Variants in SGCA observed in about 807,000 individuals in gnomAD.
SGCA encodes alpha-sarcoglycan.
Under a neutral mutation model 38.1 loss-of-function variants are expected in SGCA, and 34 were observed. The observed-to-expected ratio is 0.89, with a 90% CI of 0.68 to 1.19. SGCA has a LOEUF of 1.19. Among genes scored for constraint, SGCA ranks in the 50% most tolerant of loss-of-function variants. The pLI, the probability that SGCA is intolerant of heterozygous loss-of-function variation, is 0.00. For synonymous variants in SGCA, 209 were observed against 214.6 expected, an observed-to-expected ratio of 0.97 and a Z score of 0.23; for missense variants, 476 against 524.9, an observed-to-expected ratio of 0.91 and a Z score of 0.91.
intron 8 of SGCA, 117 bp downstream of exon 8, chr17:50,170,783 A>C: frequency 2.3e-6 from 2 of 872,632 alleles, no homozygotes; most frequent in Non-Finnish European, 3.8e-6. Context: ...GGTGATGCTC[A>C]CCCCTTCCCT....
At chr17:50,175,520 T>A in intron 9 of SGCA, 71 bp downstream of exon 9, 2 of 1,381,894 alleles carry the variant, frequency 1.4e-6, no homozygotes, top group Non-Finnish European at 2.0e-6. Context: ...CTGGGGCAAA[T>A]GGTGGGGTCT....
chr17:50,166,093 G>A lies in SGCA; in HGVS notation c.37+16G>A, dbSNP rs777931940. The A allele has an allele frequency of 6.2e-7, 1 of 1,608,664 alleles. No homozygotes were observed. Among genetic ancestry groups the A allele is most frequent in the South Asian group, 1.1e-5 (1 of 90,960 alleles). On this transcript the variant is annotated intron_variant, in intron 1 of 9. Transcript: ENST00000262018. ...CTCCTCGTGGGCAAGTTGGGGCCTT[G>A]TTCAGCGGGGAGGCCCAGGATGAGG...
At chr17:50,172,017 T>A in intron 8 of SGCA, 1 of 456,378 alleles carries the variant, frequency 2.2e-6, no homozygotes, top group African/African-American at 2.0e-5. Flanking sequence ...GCGAAGTGCC[T>A]TTCTGCTTCT....
chr17:50,169,895 T>C (rs1404937984), intron 6 of SGCA: 1 of 593,522 alleles, frequency 1.7e-6, no homozygotes, highest in African/African-American at 1.8e-5. Context: ...AGGAGACAGG[T>C]GCTACTATTA....
At chr17:50,166,676 A>C (rs1398041207) in intron 1 of SGCA, among the ~76,000 whole-genome samples, 160 of 137,532 alleles carry the variant, frequency 1.2e-3, no homozygotes, top group African/African-American at 4.1e-3. Context: ...ACACACACAC[A>C]CCCACACACA....
In SGCA at chr17:50,169,205, A is replaced by T. The variant is rs1223180798; in HGVS notation, c.698A>T (p.Tyr233Phe). 6.2e-7 allele frequency: 1 copy of T among 1,613,858 alleles called. No individual in the cohort carries two copies. The highest frequency in any genetic ancestry group is 1.7e-5 in the Admixed American group (1 of 60,002). ...GGCCAGCCTCCACTTCTGTCTTGCT[A>T]CGACACCTTGGCACCCCACTTCCGC... ...AQGQPPLLSC[Y>F]DTLAPHFRVD... Residue 233 changes from tyrosine (Y) to phenylalanine (F), a missense_variant, in exon 6 of 10, where the codon TAC (tyrosine) becomes TTC (phenylalanine). Coordinates refer to ENST00000262018, the MANE Select transcript of SGCA (RefSeq NM_000023.4).
intron 8 of SGCA, chr17:50,172,079 G>A (rs762761081): frequency 2.9e-5 from 13 of 453,980 alleles, no homozygotes; most frequent in South Asian, 2.0e-4. Context: ...AGGGCGGCTG[G>A]AAGTCTCCAC....
Position 50,175,301 on chromosome 17 carries a change from A to G in SGCA, c.1028A>G (p.Glu343Gly). The change falls in exon 9 of 10, where the codon GAG becomes GGG. Residue 343 changes from glutamate to glycine, a missense_variant. By Grantham distance (98) the Glu-to-Gly change is moderately conservative. Coordinates refer to ENST00000262018, the MANE Select transcript of SGCA (RefSeq NM_000023.4). ...HHCTIHGNTEELRQMAASREV... is the reference protein window; with the variant it reads ...HHCTIHGNTEGLRQMAASREV... ...TGCACCATCCACGGGAACACAGAGG[A>G]GCTGCGGCAGATGGCGGCCAGCCGC... 4 of 1,608,746 alleles carry G rather than the reference A, an allele frequency of 2.5e-6. No homozygotes were observed. The highest frequency in any genetic ancestry group is 3.4e-6 in the Non-Finnish European group (4 of 1,178,288).
At chr17:50,169,315 T>A (rs1335796375) in intron 6 of SGCA, 61 bp downstream of exon 6, 12 of 1,427,526 alleles carry the variant, frequency 8.4e-6, no homozygotes, top group Non-Finnish European at 1.2e-5. Context: ...CAGTCCCCCT[T>A]CCCTCCCATG....
intron 4 of SGCA, 129 bp downstream of exon 4, chr17:50,168,148 A>G: frequency 1.1e-6 from 1 of 936,604 alleles, no homozygotes. Flanking sequence ...GAAAGTGGGG[A>G]CAAGGCTCTC....
chr17:50,173,310 G>A (rs760071420), intron 8 of SGCA, among the ~76,000 whole-genome samples: 4 of 152,150 alleles, frequency 2.6e-5, no homozygotes, highest in Non-Finnish European at 4.4e-5. Flanking sequence ...CAGGCCCCAC[G>A]ACCCTCTCCT....
At chr17:50,174,567 G>C (rs563410677) in intron 8 of SGCA, among the ~76,000 whole-genome samples, 2 of 152,006 alleles carry the variant, frequency 1.3e-5, no homozygotes, top group Admixed American at 6.5e-5. Context: ...GGCTGGCCTT[G>C]AACTCTTGGC....
chr17:50,173,448 T>C (rs1567745192), intron 8 of SGCA, among the ~76,000 whole-genome samples: 1 of 151,470 alleles, frequency 6.6e-6, no homozygotes, highest in African/African-American at 2.4e-5. Flanking sequence ...TGCCTGCCGT[T>C]TGTCTGTCTG....
At chr17:50,168,836 A>G (rs375006608) in intron 5 of SGCA, among the ~76,000 whole-genome samples, 17 of 152,064 alleles carry the variant, frequency 1.1e-4, no homozygotes, top group African/African-American at 3.6e-4. Context: ...ATTCCTTAGT[A>G]GGGAGGGTAA....
chr17:50,169,943 A>G, intron 6 of SGCA, 200 bp from the exon 7 acceptor site: 3 of 636,276 alleles, frequency 4.7e-6, no homozygotes, highest in Non-Finnish European at 8.6e-6. Flanking sequence ...AGAGGCACAT[A>G]ATCATCCTAG....
rs753896716 is a variant in SGCA at position 50,167,412 on chromosome 17, C to T, written c.82C>T (p.Leu28=). 7 of 1,614,190 alleles carry T rather than the reference C, an allele frequency of 4.3e-6. No homozygotes were observed. The South Asian group carries it at 4.4e-5, about 10-fold the overall frequency. The change falls in exon 2 of 10, where the codon CTA becomes TTA. Residue 28 remains leucine (L), a synonymous_variant. Coordinates refer to ENST00000262018, the MANE Select transcript of SGCA (RefSeq NM_000023.4). This position sits in a 1 kb window ranked among gnomAD's most constrained non-coding sequence, Gnocchi z 4.5. ...GGACACCGAGGCCCAGCAGACCACG[C>T]TACACCCACTTGTGGGCCGTGTCTT... ...LGDTEAQQTT[L]HPLVGRVFVH...
chr17:50,166,479 C>A (rs1438829225), intron 1 of SGCA, among the ~76,000 whole-genome samples: 1 of 152,036 alleles, frequency 6.6e-6, no homozygotes, highest in African/African-American at 2.4e-5. Context: ...TGCTCAGCTC[C>A]TACTGGCCTC....
chr17:50,173,127 C>T (rs962465691), intron 8 of SGCA, among the ~76,000 whole-genome samples: 1 of 152,230 alleles, frequency 6.6e-6, no homozygotes, highest in Non-Finnish European at 1.5e-5. Context: ...AATCAATAAC[C>T]GTTTTACCAT....
chr17:50,168,362 T>C lies in SGCA; in HGVS notation c.386-12T>C. On this transcript the variant is annotated splice_polypyrimidine_tract_variant and intron_variant, in intron 4 of 9. Coordinates refer to ENST00000262018, the MANE Select transcript of SGCA (RefSeq NM_000023.4). ...CTGGGTGCAGCCTGAGGTGTCCACC[T>C]GGCCTTCCCAGGCCCCCTGCTGCCA... 8 of 1,559,722 alleles carry C rather than the reference T, an allele frequency of 5.1e-6. No homozygotes were observed. The highest frequency in any genetic ancestry group is 1.4e-5 in the African/African-American group (1 of 73,790).
Sources: gnomAD v4.1 joint callset for allele counts (sites outside exome capture counted in the v4.1 genomes callset) on GRCh38, gnomAD v4.1.1 for gene constraint, Gnocchi (gnomAD v3.1) non-coding constraint, MANE v1.5 for transcripts, NCBI Gene and HGNC (gene_info 2026-07-23, HGNC 2026-07-21) for gene names.